The following FHIT variants were observed in gnomAD, a reference collection of about 807,000 sequenced individuals.
The protein encoded by FHIT is fragile histidine triad diadenosine triphosphatase.
In FHIT, 19 loss-of-function variants were observed where a neutral mutation model predicts 17.9. The ratio of observed to expected loss-of-function variants is 1.06; its 90% confidence interval spans 0.74 to 1.56. FHIT has a LOEUF of 1.56. Among genes scored for constraint, FHIT ranks in the 40% most tolerant of loss-of-function variants. The pLI is 0.00. For synonymous variants in FHIT, 81 were observed against 69.7 expected (o/e 1.16, Z -0.81); for missense variants, 248 against 189.2 (o/e 1.31, Z -1.82).
chr3:60,838,580 C>G (rs573029529), intron 3 of FHIT, among the ~76,000 whole-genome samples: 28 of 152,228 alleles, frequency 1.8e-4, no homozygotes, highest in African/African-American at 6.0e-4. Context: ...AGGATATTTT[C>G]ACAGGCAATA....
At chr3:60,066,496 G>C (rs1007622965) in intron 5 of FHIT, among the ~76,000 whole-genome samples, 1 of 152,082 alleles carries the variant, frequency 6.6e-6, no homozygotes, top group East Asian at 1.9e-4. Context: ...TAACAAGATG[G>C]AGAGTTAGAC....
intron 1 of FHIT, among the ~76,000 whole-genome samples, chr3:61,226,316 A>G (rs1188456628): frequency 6.6e-6 from 1 of 152,194 alleles, no homozygotes; most frequent in Non-Finnish European, 1.5e-5. Flanking sequence ...GAGGCTCCAC[A>G]CCTGCAGTTC....
At chr3:61,020,159 G>A (rs921408658) in intron 3 of FHIT, among the ~76,000 whole-genome samples, 1 of 152,176 alleles carries the variant, frequency 6.6e-6, no homozygotes, top group Admixed American at 6.5e-5. Flanking sequence ...CACCAACAGT[G>A]TAAGAGCTTT....
At chr3:59,961,599 G>A (rs2107346929) in intron 7 of FHIT, among the ~76,000 whole-genome samples, 1 of 152,208 alleles carries the variant, frequency 6.6e-6, no homozygotes, top group East Asian at 1.9e-4. Context: ...GGAAAAGCGT[G>A]GTATCTGGGC....
intron 5 of FHIT, among the ~76,000 whole-genome samples, chr3:60,310,746 TAATTGA>T (rs1312180497): frequency 6.6e-6 from 1 of 152,180 alleles, no homozygotes; most frequent in African/African-American, 2.4e-5. Flanking sequence ...ATGAAATTTG[TAATTGA>T]AATTATTTTG....
At chr3:60,652,909 CAAACA>C (rs57749384) in intron 4 of FHIT, among the ~76,000 whole-genome samples, 65,114 of 138,836 alleles carry the variant, frequency 0.47, 15,322 homozygotes, top group Middle Eastern at 0.57. Flanking sequence ...AAGTTCATCT[CAAACA>C]AAACAAAACA....
At chr3:60,347,689 G>GTT (rs752860176) in intron 5 of FHIT, among the ~76,000 whole-genome samples, 1 of 85,304 alleles carries the variant, frequency 1.2e-5, no homozygotes, top group Non-Finnish European at 2.4e-5. Flanking sequence ...GGGGGGGGGG[G>GTT]TTTGTTTTTT....
chr3:61,059,806 C>G (rs545795278), intron 2 of FHIT, among the ~76,000 whole-genome samples: 2 of 152,322 alleles, frequency 1.3e-5, no homozygotes, highest in South Asian at 4.1e-4. Flanking sequence ...TCAATGCCAT[C>G]TGGTTATAAC....
chr3:60,747,030 C>A (rs184614141), intron 4 of FHIT, among the ~76,000 whole-genome samples: 1 of 152,118 alleles, frequency 6.6e-6, no homozygotes, highest in Admixed American at 6.5e-5. Flanking sequence ...AACTGAAAAA[C>A]CCTTCATGAT....
At chr3:61,014,954 T>C (rs2032025928) in intron 3 of FHIT, among the ~76,000 whole-genome samples, 1 of 150,746 alleles carries the variant, frequency 6.6e-6, no homozygotes. Context: ...TTTTAAAAGA[T>C]CCTCTTTTCT....
chr3:61,217,120 T>C (rs1236639128), intron 1 of FHIT, among the ~76,000 whole-genome samples: 1 of 152,078 alleles, frequency 6.6e-6, no homozygotes, highest in African/African-American at 2.4e-5. Flanking sequence ...GTTGTGCACA[T>C]GTACCCTAAA....
At chr3:61,079,665 C>T (rs1201591509) in intron 2 of FHIT, among the ~76,000 whole-genome samples, 4 of 152,180 alleles carry the variant, frequency 2.6e-5, no homozygotes, top group Non-Finnish European at 4.4e-5. Context: ...CACAGGCACA[C>T]ATGCGTGTGC....
intron 5 of FHIT, among the ~76,000 whole-genome samples, chr3:60,297,519 A>AT (rs1354691847): frequency 6.6e-6 from 1 of 151,850 alleles, no homozygotes; most frequent in Admixed American, 6.6e-5. Context: ...TATTTCTAGG[A>AT]TTTTTTAAAA....
chr3:60,260,786 G>A (rs183265525), intron 5 of FHIT, among the ~76,000 whole-genome samples: 38 of 152,114 alleles, frequency 2.5e-4, no homozygotes, highest in Admixed American at 9.2e-4. Context: ...ATGCAGATGC[G>A]TAAAGAAGCT....
At chr3:60,461,569 G>A (rs894795140) in intron 5 of FHIT, among the ~76,000 whole-genome samples, 2 of 152,134 alleles carry the variant, frequency 1.3e-5, no homozygotes, top group African/African-American at 2.4e-5. Flanking sequence ...TCTCTCCAAC[G>A]CTGTACAGAC....
intron 8 of FHIT, among the ~76,000 whole-genome samples, chr3:59,794,892 G>T (rs1699714480): frequency 6.6e-6 from 1 of 152,172 alleles, no homozygotes; most frequent in African/African-American, 2.4e-5. Flanking sequence ...AGACTCTGCA[G>T]TTAAACCTCC....
intron 5 of FHIT, among the ~76,000 whole-genome samples, chr3:60,508,262 A>T (rs1230666789): frequency 6.6e-6 from 1 of 152,224 alleles, no homozygotes; most frequent in Non-Finnish European, 1.5e-5. Flanking sequence ...ATTGCATGTT[A>T]GAAAAAGAAG....
At position 60,125,679 on chromosome 3, in the gene FHIT, TGC is replaced by T. The variant is rs1247454907; in HGVS notation, c.104-111529_104-111528del. Among the ~76,000 whole-genome samples the T allele has an allele frequency of 1.8e-3, 218 of 123,918 alleles. 1 individual carries two copies. The highest frequency in any genetic ancestry group is 8.5e-3 in the Middle Eastern group (2 of 236). The allele number at this position is 123,918 out of a possible 152,430, so 81.3% of individuals were successfully genotyped here. A position where few individuals can be genotyped will look rare whatever the true frequency, so the allele number is the denominator to read the frequency against. ...ATGTGTTTGTGTATATATATGTGTGTGCGTGTGTACATATATATATGTACACA... is the reference window on the plus strand; with the variant it reads ...ATGTGTTTGTGTATATATATGTGTGTGTGTGTACATATATATATGTACACA... On this transcript the variant is annotated intron_variant, in intron 5 of 9. Transcript: ENST00000492590.
At chr3:60,454,361 A>G (rs991780713) in intron 5 of FHIT, among the ~76,000 whole-genome samples, 26 of 152,110 alleles carry the variant, frequency 1.7e-4, no homozygotes, top group South Asian at 2.1e-4. Flanking sequence ...CACAGCACCA[A>G]AAGTCATTAT....
Sources: allele counts gnomAD v4.1 joint callset (sites outside exome capture counted in the v4.1 genomes callset), GRCh38; gene constraint gnomAD v4.1.1; transcripts MANE v1.5; gene names NCBI Gene and HGNC (gene_info 2026-07-23, HGNC 2026-07-21).